MRPL1: variants seen among roughly 807,000 people sequenced by gnomAD.
The protein encoded by MRPL1 is large ribosomal subunit protein uL1m.
MRPL1 carries 28 observed loss-of-function variants against 38.0 expected under a neutral mutation model. The observed-to-expected ratio is 0.74, with a 90% confidence interval of 0.55 to 1.01. MRPL1 has a LOEUF of 1.01. Among genes scored for constraint, MRPL1 ranks in the 50% least tolerant of loss-of-function variants. MRPL1 has a pLI of 0.00. For missense variants in MRPL1, 358 were observed against 389.8 expected (o/e 0.92, Z 0.69); for synonymous variants, 123 against 126.7 (o/e 0.97, Z 0.20).
chr4:77,912,639 A>G (rs563025410), intron 7 of MRPL1, among the ~76,000 whole-genome samples: 2 of 152,286 alleles, frequency 1.3e-5, no homozygotes, highest in East Asian at 3.9e-4. Flanking sequence ...CCCCAAGGTA[A>G]TCTATAGATT....
chr4:77,906,617 G>T (rs1403622883), intron 6 of MRPL1, among the ~76,000 whole-genome samples: 1 of 152,160 alleles, frequency 6.6e-6, no homozygotes, highest in East Asian at 1.9e-4. Context: ...GGCATAGACA[G>T]TTCACCCATA....
chr4:77,952,596 G>C lies in MRPL1; in HGVS notation c.967G>C (p.Glu323Gln). The change falls in exon 9 of 9, where the codon GAA becomes CAA. Residue 323 changes from glutamate (E) to glutamine (Q), a missense_variant. By Grantham distance (29) the Glu-to-Gln change is conservative (BLOSUM62 2). Transcript: ENST00000315567. ...KEVKNEESEK[E>Q]DA Reference sequence around the variant, plus strand: ...AGTAAAAAATGAAGAAAGTGAAAAAGAAGATGCCTAAATGTGGTGAATTGT... The same window carrying C: ...AGTAAAAAATGAAGAAAGTGAAAAACAAGATGCCTAAATGTGGTGAATTGT... 1 of 1,595,542 alleles carries C rather than the reference G, an allele frequency of 6.3e-7. No homozygotes were observed. The highest frequency in any genetic ancestry group is 8.6e-7 in the Non-Finnish European group (1 of 1,164,252).
At chr4:77,921,869 G>A (rs1334533786) in intron 7 of MRPL1, among the ~76,000 whole-genome samples, 1 of 151,564 alleles carries the variant, frequency 6.6e-6, no homozygotes, top group Admixed American at 6.6e-5. Flanking sequence ...AGTACTGTGT[G>A]TACGTGCATG....
At chr4:77,879,045 C>G (rs1399833963) in intron 2 of MRPL1, among the ~76,000 whole-genome samples, 1 of 152,150 alleles carries the variant, frequency 6.6e-6, no homozygotes, top group African/African-American at 2.4e-5. Flanking sequence ...GTTCTGTTCT[C>G]TTTGATTCAG....
rs139357929 is a variant in MRPL1 at position 77,873,467 on chromosome 4, A to T, written c.143+1612A>T. Among the ~76,000 whole-genome samples the T allele has an allele frequency of 3.7e-3, 570 of 152,366 alleles. 2 individuals carry two copies. The highest frequency in any genetic ancestry group is 6.5e-3 in the Non-Finnish European group (442 of 68,032). On this transcript the variant is annotated intron_variant, in intron 2 of 8. Transcript: ENST00000315567. The stretch of plus-strand genomic sequence containing the variant: ...CCAGCTACAAAAATCTTACTTTATG[A>T]TGAAATTTGCTAGAATACAGTCCTC...
chr4:77,942,866 CT>C (rs1332172065), intron 7 of MRPL1, among the ~76,000 whole-genome samples: 1 of 152,196 alleles, frequency 6.6e-6, no homozygotes, highest in Non-Finnish European at 1.5e-5. Context: ...ATTTAGGCCA[CT>C]TACATTCAAC....
At chr4:77,896,360 C>G (rs1228452036) in intron 6 of MRPL1, among the ~76,000 whole-genome samples, 1 of 152,044 alleles carries the variant, frequency 6.6e-6, no homozygotes, top group Non-Finnish European at 1.5e-5. Flanking sequence ...TGTTTTTCCC[C>G]CCTATTTGCG....
chr4:77,928,781 G>A (rs1259606750), intron 7 of MRPL1, among the ~76,000 whole-genome samples: 1 of 151,798 alleles, frequency 6.6e-6, no homozygotes, highest in Non-Finnish European at 1.5e-5. Context: ...AATTATTTTT[G>A]ATCAAAAACT....
intron 3 of MRPL1, among the ~76,000 whole-genome samples, chr4:77,884,294 C>T (rs1735623801): frequency 2.6e-5 from 4 of 151,870 alleles, no homozygotes; most frequent in Admixed American, 2.0e-4. Context: ...TAAAGAAATC[C>T]CGAGGAGGAT....
intron 7 of MRPL1, among the ~76,000 whole-genome samples, chr4:77,948,179 T>C (rs1370263451): frequency 6.6e-6 from 1 of 152,184 alleles, no homozygotes; most frequent in Non-Finnish European, 1.5e-5. Context: ...TTATCTCTTT[T>C]CCAAATTTTA....
chr4:77,898,827 C>T (rs4571357), intron 6 of MRPL1, among the ~76,000 whole-genome samples: 116,027 of 151,612 alleles, frequency 0.77, 45,352 homozygotes, highest in African/African-American at 0.93. Flanking sequence ...TTTTTTTTAT[C>T]AGAATAATTG....
chr4:77,921,901 T>C (rs1241625295), intron 7 of MRPL1, among the ~76,000 whole-genome samples: 1 of 151,706 alleles, frequency 6.6e-6, no homozygotes, highest in Non-Finnish European at 1.5e-5. Flanking sequence ...CTTGGGTGAG[T>C]GGTTGTGTTT....
In MRPL1 at chr4:77,884,503, A is replaced by C. The variant is rs149658730; in HGVS notation, c.403-753A>C. 3.1e-3 allele frequency among the ~76,000 whole-genome samples: 473 copies of C among 152,346 alleles called. 1 individual carries two copies. The highest frequency in any genetic ancestry group is 4.6e-3 in the Non-Finnish European group (314 of 68,034). On this transcript the variant is annotated intron_variant, in intron 3 of 8. Coordinates refer to ENST00000315567, the MANE Select transcript of MRPL1 (RefSeq NM_020236.4). ...CCTGGTCAAAATGACTAGACAGATT[A>C]GTTTAGTGGTCCTGTAAAATCTCCA...
chr4:77,914,467 C>T (rs1022235010), intron 7 of MRPL1, among the ~76,000 whole-genome samples: 4 of 151,860 alleles, frequency 2.6e-5, no homozygotes, highest in African/African-American at 4.8e-5. Flanking sequence ...CAAAGTATGC[C>T]TCTATAACAT....
chr4:77,876,800 T>C (rs758925762), intron 2 of MRPL1, among the ~76,000 whole-genome samples: 14 of 152,218 alleles, frequency 9.2e-5, no homozygotes, highest in Non-Finnish European at 1.9e-4. Flanking sequence ...ATATCCTCTA[T>C]TTGCCAGTAG....
chr4:77,950,102 C>A (rs1409197486), intron 8 of MRPL1, among the ~76,000 whole-genome samples: 1 of 152,094 alleles, frequency 6.6e-6, no homozygotes, highest in Non-Finnish European at 1.5e-5. Context: ...CATCCTGAAA[C>A]CTTTGTAGAT....
rs1224994978 is a variant in MRPL1, at chr4:77,901,310, AT to A, written c.670+7067del. ...AGAGGAATAAAAATGATATGCTAAA[AT>A]TTTTTTATTTAATAAGCCTGTAAAG... On this transcript the variant is annotated intron_variant, in intron 6 of 8. Transcript: ENST00000315567. Among the ~76,000 whole-genome samples, 3 of 152,246 alleles carry A rather than the reference AT, an allele frequency of 2.0e-5. No individual in the cohort carries two copies. In the South Asian group the frequency reaches 6.2e-4, roughly 32 times the overall value.
At chr4:77,916,213 C>G (rs965711299) in intron 7 of MRPL1, among the ~76,000 whole-genome samples, 4 of 152,026 alleles carry the variant, frequency 2.6e-5, no homozygotes, top group Admixed American at 2.0e-4. Flanking sequence ...TCTGAGTTTG[C>G]TATATAGAAA....
intron 1 of MRPL1, among the ~76,000 whole-genome samples, chr4:77,865,649 G>C (rs1257113043): frequency 6.6e-6 from 1 of 152,060 alleles, no homozygotes; most frequent in Non-Finnish European, 1.5e-5. Flanking sequence ...TACAGGCTCT[G>C]AGCCACTGCA....
Sources: allele counts gnomAD v4.1 joint callset (sites outside exome capture counted in the v4.1 genomes callset), GRCh38; gene constraint gnomAD v4.1.1; transcripts MANE v1.5; gene names NCBI Gene and HGNC (gene_info 2026-07-23, HGNC 2026-07-21).